Variants in MICAL2 observed in about 807,000 individuals in gnomAD.
MICAL2 encodes [F-actin]-monooxygenase MICAL2.
Under a neutral mutation model 127.3 loss-of-function variants are expected in MICAL2, and 77 were observed. The observed-to-expected ratio is 0.60, with a 90% confidence interval of 0.50 to 0.73. The LOEUF (loss-of-function observed/expected upper bound fraction) is 0.73, where lower values mean the gene tolerates loss of function less well. Among genes scored for constraint, MICAL2 ranks in the 30% least tolerant of loss-of-function variants. MICAL2 has a pLI of 0.00. For missense variants in MICAL2, 1,351 were observed against 1,434.4 expected (o/e 0.94, Z 0.94); for synonymous variants, 570 against 551.1 (o/e 1.03, Z -0.48).
chr11:12,248,201 A>G (rs1276362094), intron 21 of MICAL2, among the ~76,000 whole-genome samples: 2 of 152,152 alleles, frequency 1.3e-5, no homozygotes, highest in East Asian at 3.9e-4. Flanking sequence ...TTTAAAATTC[A>G]GAGTGGTGCT....
Position 12,180,921 on chromosome 11 carries a change from C to CTTTTT in MICAL2, c.264+18522_264+18526dup, listed in dbSNP as rs56946936. Among the ~76,000 whole-genome samples, 449 of 82,360 alleles carry CTTTTT rather than the reference C, an allele frequency of 5.5e-3. 8 individuals are homozygous for CTTTTT. The highest frequency in any genetic ancestry group is 8.1e-3 in the Non-Finnish European group (329 of 40,394). 54.0% of individuals were successfully genotyped at this position (82,360 alleles called of 152,430 possible). On this transcript the variant is annotated intron_variant, in intron 3 of 27. Transcript: ENST00000683283. Reference sequence around the variant, plus strand: ...AATTATTCTTGCCTTTATTTTCCTTCTTTTTTTTTTTTTTTTTTTTTTTTG... The same window carrying CTTTTT: ...AATTATTCTTGCCTTTATTTTCCTTCTTTTTTTTTTTTTTTTTTTTTTTTTTTTTG...
At chr11:12,280,666 C>G (rs1390065098) in intron 1 of MICAL2, among the ~76,000 whole-genome samples, 2 of 152,220 alleles carry the variant, frequency 1.3e-5, no homozygotes, top group Admixed American at 1.3e-4. Context: ...AGCCTAACAA[C>G]CTCATTTTAC....
At chr11:12,294,817 T>G (rs200708492), downstream of MICAL2, 2 of 1,507,458 alleles carry the variant, frequency 1.3e-6, no homozygotes, top group Non-Finnish European at 1.8e-6. Context: ...CTCCTCCTCC[T>G]CCTCCTCCTC....
intron 2 of MICAL2, among the ~76,000 whole-genome samples, chr11:12,138,779 C>T (rs1282032405): frequency 6.6e-6 from 1 of 152,206 alleles, no homozygotes; most frequent in Non-Finnish European, 1.5e-5. Flanking sequence ...GTACAAGGCA[C>T]ATCACAGGTG....
At chr11:12,312,639 G>C (rs1864187273) in intron 29 of MICAL2, among the ~76,000 whole-genome samples, 1 of 152,122 alleles carries the variant, frequency 6.6e-6, no homozygotes, top group Non-Finnish European at 1.5e-5. Flanking sequence ...TGTGACATGG[G>C]AGTCTTCAGA....
intron 2 of MICAL2, among the ~76,000 whole-genome samples, chr11:12,149,617 G>A (rs1025618862): frequency 1.3e-5 from 2 of 152,160 alleles, no homozygotes; most frequent in African/African-American, 2.4e-5. Flanking sequence ...GCAAGATGAG[G>A]GAAAAGGGGC....
chr11:12,260,730 C>T, intron 26 of MICAL2: 2 of 985,478 alleles, frequency 2.0e-6, no homozygotes, highest in Non-Finnish European at 2.4e-6. Flanking sequence ...GAATAGAATT[C>T]AACTTACAGA....
chr11:12,137,634 C>T (rs72864213), intron 1 of MICAL2, among the ~76,000 whole-genome samples: 24,383 of 152,082 alleles, frequency 0.16, 2,297 homozygotes, highest in Middle Eastern at 0.22. Flanking sequence ...GGGGGCACCA[C>T]TCTGTTGAAC....
chr11:12,213,540 T>C (rs1855785437), intron 7 of MICAL2, 130 bp downstream of exon 7: 2 of 859,058 alleles, frequency 2.3e-6, no homozygotes, highest in African/African-American at 3.4e-5. Context: ...GTGGAAGCAA[T>C]GATTTTCCCT....
downstream of MICAL2, chr11:12,358,499 C>G: frequency 1.2e-6 from 2 of 1,609,850 alleles, no homozygotes; most frequent in South Asian, 1.1e-5. Context: ...TAGTCCCTCT[C>G]CCTGGCTGCA....
downstream of MICAL2, chr11:12,292,066 GC>G: frequency 2.0e-6 from 3 of 1,494,526 alleles, no homozygotes; most frequent in Non-Finnish European, 2.7e-6. Flanking sequence ...TAGAATTGGA[GC>G]TTCACTTAAA....
rs531134349 is a variant in MICAL2, at chr11:12,247,316, C to A, written c.2785-1868C>A. 4.8e-4 allele frequency among the ~76,000 whole-genome samples: 73 copies of A among 152,344 alleles called. 1 individual carries two copies. Among genetic ancestry groups the A allele is most frequent in the African/African-American group, 1.7e-3 (70 of 41,592 alleles). On this transcript the variant is annotated intron_variant, in intron 21 of 27. Transcript: ENST00000683283. ...TTGCTCCTCCCCAGTTGTGGTAGAA[C>A]AATTGCCCCATTTTTGTTCTTTTAA...
chr11:12,348,550 C>A (rs4237712), intron 32 of MICAL2, among the ~76,000 whole-genome samples: 151,572 of 152,338 alleles, frequency 0.99, 75,408 homozygotes, highest in Middle Eastern at 1. Flanking sequence ...TTATCAATAA[C>A]AAGGTGGTCC....
chr11:12,319,662 AGC>A, intron 29 of MICAL2: 1 of 1,434,282 alleles, frequency 7.0e-7, no homozygotes, highest in African/African-American at 1.4e-5. Flanking sequence ...AAATGAAGCT[AGC>A]AGTTCATTGA....
chr11:12,294,044 A>G, downstream of MICAL2: 1 of 1,614,084 alleles, frequency 6.2e-7, no homozygotes, highest in Non-Finnish European at 8.5e-7. Context: ...TGTGCACCTC[A>G]AAGCTGGGGA....
chr11:12,128,260 CA>C (rs964241704), intron 1 of MICAL2, among the ~76,000 whole-genome samples: 2 of 152,208 alleles, frequency 1.3e-5, no homozygotes, highest in African/African-American at 4.8e-5. Context: ...AATGATTTTG[CA>C]ATGGAAATCC....
chr11:12,178,952 C>G (rs1422185460), intron 3 of MICAL2, among the ~76,000 whole-genome samples: 1 of 152,150 alleles, frequency 6.6e-6, no homozygotes, highest in Non-Finnish European at 1.5e-5. Context: ...CCCCCACTGT[C>G]CCACTTTGGT....
intron 32 of MICAL2, among the ~76,000 whole-genome samples, chr11:12,343,120 A>G (rs1938896382): frequency 6.6e-6 from 1 of 152,132 alleles, no homozygotes; most frequent in South Asian, 2.1e-4. Context: ...GGGAGACTGA[A>G]AAATAGGCTG....
At chr11:12,301,252 A>C (rs1397431451) in intron 29 of MICAL2, among the ~76,000 whole-genome samples, 1 of 152,202 alleles carries the variant, frequency 6.6e-6, no homozygotes, top group Non-Finnish European at 1.5e-5. Flanking sequence ...ATACAATTCA[A>C]GTTGAGATTT....
Sources: gnomAD v4.1 joint callset for allele counts (sites outside exome capture counted in the v4.1 genomes callset) on GRCh38, gnomAD v4.1.1 for gene constraint, MANE v1.5 for transcripts, NCBI Gene and HGNC (gene_info 2026-07-23, HGNC 2026-07-21) for gene names.